The following DPP10 variants were observed in gnomAD, a reference collection of about 807,000 sequenced individuals.
DPP10 encodes inactive dipeptidyl peptidase 10.
A neutral mutation model predicts 120.9 loss-of-function variants in DPP10; 33 were observed. The observed-to-expected ratio is 0.27, with a 90% CI of 0.21 to 0.37. The LOEUF is 0.37. Among genes scored for constraint, DPP10 ranks in the 10% least tolerant of loss-of-function variants. The pLI, the probability that DPP10 is intolerant of heterozygous loss-of-function variation, is 1.00. For missense variants in DPP10, 816 were observed against 942.8 expected (o/e 0.87, Z 1.76); for synonymous variants, 337 against 326.1 (o/e 1.03, Z -0.36).
At chr2:114,800,904 A>G (rs893041981) in intron 1 of DPP10, among the ~76,000 whole-genome samples, 1 of 150,410 alleles carries the variant, frequency 6.6e-6, no homozygotes, top group African/African-American at 2.5e-5. Flanking sequence ...GAAATTTTAG[A>G]TATATTTAGA....
intron 1 of DPP10, among the ~76,000 whole-genome samples, chr2:114,908,650 G>A (rs1020051202): frequency 5.3e-5 from 8 of 151,462 alleles, no homozygotes; most frequent in Admixed American, 1.3e-4. Context: ...TTTTTTAGGA[G>A]GCAAGATGGA....
At chr2:115,221,888 G>T (rs2105423417) in intron 1 of DPP10, among the ~76,000 whole-genome samples, 1 of 150,952 alleles carries the variant, frequency 6.6e-6, no homozygotes, top group African/African-American at 2.4e-5. Context: ...AAGCCAGATT[G>T]GGCATCAAAG....
At chr2:115,257,293 C>T (rs550444391) in intron 1 of DPP10, among the ~76,000 whole-genome samples, 7 of 152,192 alleles carry the variant, frequency 4.6e-5, no homozygotes, top group South Asian at 2.1e-4. Context: ...AGGACATTCT[C>T]GTGTTGCTGT....
chr2:114,714,097 G>T (rs1045571295), intron 1 of DPP10, among the ~76,000 whole-genome samples: 1 of 151,214 alleles, frequency 6.6e-6, no homozygotes, highest in Non-Finnish European at 1.5e-5. Flanking sequence ...GTGTGTGTGT[G>T]TGTGTGTGTT....
chr2:115,632,097 G>C (rs923341266), intron 5 of DPP10, among the ~76,000 whole-genome samples: 1 of 152,170 alleles, frequency 6.6e-6, no homozygotes, highest in Non-Finnish European at 1.5e-5. Flanking sequence ...GGGTTCTTCT[G>C]TATTGGGTAC....
At chr2:115,719,650 A>C (rs1034784678) in intron 7 of DPP10, among the ~76,000 whole-genome samples, 1 of 152,222 alleles carries the variant, frequency 6.6e-6, no homozygotes, top group African/African-American at 2.4e-5. Flanking sequence ...GAATTTTATA[A>C]AAAGTAAAGT....
At chr2:115,484,233 T>C (rs1474554746) in intron 3 of DPP10, among the ~76,000 whole-genome samples, 3 of 147,266 alleles carry the variant, frequency 2.0e-5, no homozygotes, top group South Asian at 2.2e-4. Flanking sequence ...GCCAAACTTA[T>C]GGTGAGTTTG....
At chr2:115,404,943 G>C (rs956885121) in intron 3 of DPP10, among the ~76,000 whole-genome samples, 2 of 152,244 alleles carry the variant, frequency 1.3e-5, no homozygotes, top group East Asian at 3.9e-4. Context: ...GGGGAACATG[G>C]TTCAACATGA....
chr2:115,434,985 A>G (rs866245542), intron 3 of DPP10, among the ~76,000 whole-genome samples: 1 of 151,316 alleles, frequency 6.6e-6, no homozygotes, highest in African/African-American at 2.4e-5. Flanking sequence ...AGTTCCATCC[A>G]TGTTTCTGCA....
intron 13 of DPP10, among the ~76,000 whole-genome samples, chr2:115,770,251 A>C (rs542772915): frequency 6.6e-6 from 1 of 152,052 alleles, no homozygotes; most frequent in Non-Finnish European, 1.5e-5. Context: ...ATACACCCAA[A>C]CCAAGAATTT....
intron 1 of DPP10, among the ~76,000 whole-genome samples, chr2:114,627,015 C>A (rs1694563169): frequency 6.6e-6 from 1 of 151,946 alleles, no homozygotes; most frequent in Non-Finnish European, 1.5e-5. Context: ...GCAGTTTTCC[C>A]TTTTCTTTTT....
chr2:114,800,439 A>T (rs920704704), intron 1 of DPP10, among the ~76,000 whole-genome samples: 3 of 152,252 alleles, frequency 2.0e-5, no homozygotes, highest in Non-Finnish European at 4.4e-5. Flanking sequence ...AACATCTCAA[A>T]AATACAAACA....
chr2:114,962,267 A>G (rs532587121), intron 1 of DPP10, among the ~76,000 whole-genome samples: 113 of 152,272 alleles, frequency 7.4e-4, no homozygotes, highest in Non-Finnish European at 1.3e-3. Context: ...GTTTTTTTAC[A>G]TTTGTTTCCT....
At chr2:115,036,233 A>G (rs530780029) in intron 1 of DPP10, among the ~76,000 whole-genome samples, 2 of 152,294 alleles carry the variant, frequency 1.3e-5, no homozygotes, top group Middle Eastern at 3.4e-3. Flanking sequence ...CTCACTCACT[A>G]TCACGAGGAC....
chr2:115,457,349 A>G (rs1444759135), intron 3 of DPP10, among the ~76,000 whole-genome samples: 1 of 152,190 alleles, frequency 6.6e-6, no homozygotes, highest in African/African-American at 2.4e-5. Context: ...CTTGATTTAG[A>G]CAAATATTCT....
intron 1 of DPP10, among the ~76,000 whole-genome samples, chr2:114,636,676 G>A (rs1350092959): frequency 6.6e-6 from 1 of 151,902 alleles, no homozygotes; most frequent in Non-Finnish European, 1.5e-5. Context: ...TACAAAGAAA[G>A]GTGGCTCTGT....
At position 114,930,184 on chromosome 2, in the gene DPP10, C is replaced by T. The variant is rs191795533; in HGVS notation, c.61-379055C>T. On this transcript the variant is annotated intron_variant, in intron 1 of 25. Coordinates refer to ENST00000410059, the MANE Select transcript of DPP10 (RefSeq NM_020868.6). The stretch of plus-strand genomic sequence containing the variant: ...ATTAGCACCTGACTCCCTTTAGTCA[C>T]GTTCATCTCTTAGCAAGTGGTTTTA... 5.0e-3 allele frequency among the ~76,000 whole-genome samples: 754 copies of T among 152,244 alleles called. 6 individuals carry two copies. Among genetic ancestry groups the T allele is most frequent in the Middle Eastern group, 6.8e-3 (2 of 294 alleles).
chr2:114,513,547 A>G (rs1377616458), intron 1 of DPP10, among the ~76,000 whole-genome samples: 2 of 149,420 alleles, frequency 1.3e-5, no homozygotes, highest in Non-Finnish European at 3.0e-5. Context: ...AAAAAAAGAA[A>G]CTAGAGCTTT....
intron 21 of DPP10, among the ~76,000 whole-genome samples, chr2:115,821,183 T>C (rs1484801245): frequency 6.6e-6 from 1 of 152,218 alleles, no homozygotes; most frequent in Non-Finnish European, 1.5e-5. Flanking sequence ...TTTCACTATG[T>C]CCTCAGGAAG....
Sources: allele counts gnomAD v4.1 joint callset (sites outside exome capture counted in the v4.1 genomes callset), GRCh38; gene constraint gnomAD v4.1.1; transcripts MANE v1.5; gene names NCBI Gene and HGNC (gene_info 2026-07-23, HGNC 2026-07-21).